The following NXPH1 variants were observed in gnomAD, a reference collection of about 807,000 sequenced individuals.
NXPH1 encodes neurexophilin-1.
In NXPH1, 5 loss-of-function variants were observed where a neutral mutation model predicts 23.7. That is an observed-to-expected ratio of 0.21 (90% CI 0.11 to 0.44). The LOEUF is 0.44. Among genes scored for constraint, NXPH1 ranks in the 20% least tolerant of loss-of-function variants. NXPH1 has a pLI of 0.99. For missense variants in NXPH1, 324 were observed against 321.6 expected, an observed-to-expected ratio of 1.01 and a Z score of -0.06; for synonymous variants, 144 against 122.2, an observed-to-expected ratio of 1.18 and a Z score of -1.18.
chr7:8,548,371 C>G (rs1452415727), intron 2 of NXPH1, among the ~76,000 whole-genome samples: 4 of 151,560 alleles, frequency 2.6e-5, no homozygotes, highest in African/African-American at 9.7e-5. Flanking sequence ...AAATTTCTAT[C>G]TGCATGGACC....
In NXPH1 at chr7:8,751,250, G is replaced by A. The variant is rs1780560068; in HGVS notation, c.297G>A (p.Glu99=). Residue 99 remains glutamate (E), a synonymous_variant, in exon 3 of 3, where the codon GAG becomes GAA. Transcript: ENST00000405863. This position sits in a 1 kb window ranked among gnomAD's most constrained non-coding sequence, Gnocchi z 4.5. ...DWLRNSTDLQ[E]PRPRAKRRPI... The stretch of plus-strand genomic sequence containing the variant: ...TGAGGAACTCCACAGACCTTCAAGA[G>A]CCTCGGCCCAGGGCCAAGAGAAGGC... The A allele has an allele frequency of 3.7e-6, 6 of 1,613,898 alleles. No homozygotes were observed. Among genetic ancestry groups the A allele is most frequent in the Non-Finnish European group, 5.1e-6 (6 of 1,179,834 alleles).
At chr7:8,630,365 C>A (rs528610238) in intron 2 of NXPH1, among the ~76,000 whole-genome samples, 197 of 152,104 alleles carry the variant, frequency 1.3e-3, no homozygotes, top group Non-Finnish European at 2.5e-3. Context: ...TTTAATGATA[C>A]ATTTTATGTC....
chr7:8,546,962 A>T (rs1373669782), intron 2 of NXPH1, among the ~76,000 whole-genome samples: 1 of 151,448 alleles, frequency 6.6e-6, no homozygotes, highest in Non-Finnish European at 1.5e-5. Context: ...GTGAGATGAT[A>T]CTGGCCTTGG....
At chr7:8,645,455 C>G (rs771193680) in intron 2 of NXPH1, among the ~76,000 whole-genome samples, 89 of 152,022 alleles carry the variant, frequency 5.9e-4, no homozygotes, top group Non-Finnish European at 1.0e-3. Flanking sequence ...TTCAAACTCC[C>G]TCTGTGATAT....
chr7:8,502,705 C>T (rs1313286812), intron 2 of NXPH1, among the ~76,000 whole-genome samples: 2 of 151,502 alleles, frequency 1.3e-5, no homozygotes, highest in Non-Finnish European at 2.9e-5. Flanking sequence ...CTCCTGTACC[C>T]AGGATTAAGA....
intron 2 of NXPH1, among the ~76,000 whole-genome samples, chr7:8,645,992 G>A (rs954971169): frequency 2.0e-5 from 3 of 151,870 alleles, no homozygotes; most frequent in African/African-American, 7.3e-5. Flanking sequence ...CTTTGTACAC[G>A]TTTTAGTAAC....
At chr7:8,476,182 T>G (rs1260636743) in intron 2 of NXPH1, among the ~76,000 whole-genome samples, 3 of 152,262 alleles carry the variant, frequency 2.0e-5, no homozygotes, top group South Asian at 4.1e-4. Context: ...TAATTACCTT[T>G]CCCTATTCTG....
At chr7:8,694,049 C>T (rs1309355884) in intron 2 of NXPH1, among the ~76,000 whole-genome samples, 1 of 152,270 alleles carries the variant, frequency 6.6e-6, no homozygotes, top group East Asian at 1.9e-4. Context: ...TGAAACAAAG[C>T]AGTATCTTGT....
chr7:8,659,232 G>A lies in NXPH1; in HGVS notation c.55-91776G>A, dbSNP rs140882392. ...CAATAACTAAATGGAGATAATAAACGGCCTTAAACAGGTTTATCAGTCCAG... is the reference window on the plus strand; with the variant it reads ...CAATAACTAAATGGAGATAATAAACAGCCTTAAACAGGTTTATCAGTCCAG... On this transcript the variant is annotated intron_variant, in intron 2 of 2. Transcript: ENST00000405863. Among the ~76,000 whole-genome samples, 452 of 151,826 alleles carry A rather than the reference G, an allele frequency of 3.0e-3. 46 individuals carry two copies. Among genetic ancestry groups the A allele is most frequent in the African/African-American group, 0.01 (426 of 41,318 alleles).
At chr7:8,605,688 T>C (rs917590841) in intron 2 of NXPH1, among the ~76,000 whole-genome samples, 1 of 151,978 alleles carries the variant, frequency 6.6e-6, no homozygotes, top group Non-Finnish European at 1.5e-5. Flanking sequence ...TACAAAAGAG[T>C]TGCAATGGAT....
At chr7:8,711,810 C>CA (rs1286485141) in intron 2 of NXPH1, among the ~76,000 whole-genome samples, 1 of 152,066 alleles carries the variant, frequency 6.6e-6, no homozygotes, top group Non-Finnish European at 1.5e-5. Flanking sequence ...AACTGAATGC[C>CA]AGGGTAAGCG....
At chr7:8,548,619 C>T (rs1818231247) in intron 2 of NXPH1, among the ~76,000 whole-genome samples, 1 of 151,424 alleles carries the variant, frequency 6.6e-6, no homozygotes, top group African/African-American at 2.4e-5. Flanking sequence ...GACTTAAATG[C>T]CAGTTTACTA....
rs1021197523 is a variant in NXPH1 at position 8,752,788 on chromosome 7, A to G, written c.*1019A>G. The G allele has an allele frequency of 2.0e-5, 3 of 152,526 alleles. No individual in the cohort carries two copies. The highest frequency in any genetic ancestry group is 2.1e-4 in the South Asian group (1 of 4,832). The allele number at this position is 152,526 out of a possible 1,614,324, so 9.4% of individuals were successfully genotyped here. A position where few individuals can be genotyped will look rare whatever the true frequency, so the allele number is the denominator to read the frequency against. On this transcript the variant is annotated 3_prime_UTR_variant, in exon 3 of 3. Transcript: ENST00000405863. ...AGGATATGAGGAATTCATTTTATCA[A>G]TGTAGCTGTGAAGGCCATTAAAAAG...
At chr7:8,522,698 T>A (rs920043501) in intron 2 of NXPH1, among the ~76,000 whole-genome samples, 3 of 152,212 alleles carry the variant, frequency 2.0e-5, no homozygotes, top group Non-Finnish European at 4.4e-5. Flanking sequence ...AAAGGCTGAA[T>A]TGTGAGCCCA....
intron 2 of NXPH1, among the ~76,000 whole-genome samples, chr7:8,524,260 A>T (rs2128616216): frequency 6.6e-6 from 1 of 151,694 alleles, no homozygotes; most frequent in African/African-American, 2.4e-5. Context: ...AAAAAAAAAA[A>T]AAAAGGAAAG....
At chr7:8,459,629 T>A (rs549322019) in intron 2 of NXPH1, among the ~76,000 whole-genome samples, 23 of 152,290 alleles carry the variant, frequency 1.5e-4, no homozygotes, top group Non-Finnish European at 3.1e-4. Context: ...CAGCTTTGAT[T>A]CCAGTCTACT....
intron 2 of NXPH1, among the ~76,000 whole-genome samples, chr7:8,557,674 T>A (rs1409769967): frequency 1.3e-5 from 2 of 151,650 alleles, no homozygotes; most frequent in Non-Finnish European, 3.0e-5. Flanking sequence ...ACAGAACTGG[T>A]GCAGTAAAAA....
At position 8,451,424 on chromosome 7, in the gene NXPH1, T is replaced by G. The variant is rs144007588; in HGVS notation, c.54+15657T>G. ...CTTTATCAGCAGCAGTAGGAGTTTC[T>G]TTTTCTTACTAACCTTGAGCTGAAC... On this transcript the variant is annotated intron_variant, in intron 2 of 2. Coordinates refer to ENST00000405863, the MANE Select transcript of NXPH1 (RefSeq NM_152745.3). Among the ~76,000 whole-genome samples, 125 of 152,330 alleles carry G rather than the reference T, an allele frequency of 8.2e-4. 2 individuals are homozygous for G. Among genetic ancestry groups the G allele is most frequent in the Admixed American group, 6.2e-3 (95 of 15,306 alleles).
At chr7:8,541,017 A>G (rs78015348) in intron 2 of NXPH1, among the ~76,000 whole-genome samples, 9,785 of 151,896 alleles carry the variant, frequency 0.064, 416 homozygotes, top group Middle Eastern at 0.099. Flanking sequence ...AGGAAGATCT[A>G]CAATGTCTGG....
Sources: gnomAD v4.1 joint callset for allele counts (sites outside exome capture counted in the v4.1 genomes callset) on GRCh38, gnomAD v4.1.1 for gene constraint, Gnocchi (gnomAD v3.1) non-coding constraint, MANE v1.5 for transcripts, NCBI Gene and HGNC (gene_info 2026-07-23, HGNC 2026-07-21) for gene names.